PRDM16: variants seen among roughly 807,000 people sequenced by gnomAD.
PRDM16 encodes PR/SET domain 16, also known as histone-lysine N-methyltransferase PRDM16.
Under a neutral mutation model 110.6 loss-of-function variants are expected in PRDM16, and 23 were observed. That is an observed-to-expected ratio of 0.21 (90% CI 0.15 to 0.29). PRDM16 has a LOEUF of 0.29. PRDM16 is among the 10% of genes least tolerant of loss of function. The probability of loss-of-function intolerance (pLI) is 1.00; values close to 1 mark genes in which losing one functional copy is unlikely to be tolerated. For missense variants in PRDM16, 1,615 were observed against 1,794.3 expected, an observed-to-expected ratio of 0.90 and a Z score of 1.81; for synonymous variants, 799 against 781.8, an observed-to-expected ratio of 1.02 and a Z score of -0.37.
At chr1:3,376,308 G>A (rs536783538) in intron 3 of PRDM16, among the ~76,000 whole-genome samples, 13 of 152,294 alleles carry the variant, frequency 8.5e-5, no homozygotes, top group Admixed American at 5.9e-4. Flanking sequence ...TTTCTAGCGC[G>A]TTGCATTCCT....
intron 2 of PRDM16, among the ~76,000 whole-genome samples, chr1:3,215,894 C>T (rs778220391): frequency 2.0e-5 from 3 of 151,972 alleles, no homozygotes; most frequent in Admixed American, 1.3e-4. Context: ...TTCCCGGGGC[C>T]GATTCAGATG....
chr1:3,229,562 G>A (rs1401501311), intron 2 of PRDM16, among the ~76,000 whole-genome samples: 1 of 152,224 alleles, frequency 6.6e-6, no homozygotes, highest in African/African-American at 2.4e-5. Context: ...CAAGCCACAG[G>A]ATGTACATTC....
At position 3,181,552 on chromosome 1, in the gene PRDM16, G is replaced by GGTCTTACACATGGTCTTACA. The variant is rs755533699; in HGVS notation, c.38-4573_38-4572insGTCTTACACATGGTCTTACA. 7.3e-5 allele frequency among the ~76,000 whole-genome samples: 2 copies of GGTCTTACACATGGTCTTACA among 27,432 alleles called. 1 individual carries two copies. The highest frequency in any genetic ancestry group is 1.6e-4 in the Non-Finnish European group (2 of 12,902). The allele number at this position is 27,432 out of a possible 152,430, so 18.0% of individuals were successfully genotyped here. Reference sequence around the variant, plus strand: ...CGGTCTTACACACGGTCTTACACACGCAGTCTTACACACGCAGTCTTACAC... The same window carrying GGTCTTACACATGGTCTTACA: ...CGGTCTTACACACGGTCTTACACACGGTCTTACACATGGTCTTACACAGTCTTACACACGCAGTCTTACAC... On this transcript the variant is annotated intron_variant, in intron 1 of 16. Coordinates refer to ENST00000270722, the MANE Select transcript of PRDM16 (RefSeq NM_022114.4).
intron 1 of PRDM16, among the ~76,000 whole-genome samples, chr1:3,082,703 C>A (rs1050707476): frequency 6.6e-6 from 1 of 152,360 alleles, no homozygotes; most frequent in Non-Finnish European, 1.5e-5. Flanking sequence ...GCTGGAGGCA[C>A]CCTGTTGCCG....
At chr1:3,156,750 A>G (rs981839367) in intron 1 of PRDM16, among the ~76,000 whole-genome samples, 38 of 152,304 alleles carry the variant, frequency 2.5e-4, no homozygotes, top group African/African-American at 8.4e-4. Flanking sequence ...TGCCCGGCTC[A>G]AGCAGTGGCC....
chr1:3,181,293 C>G (rs1228154790), intron 1 of PRDM16, among the ~76,000 whole-genome samples: 1 of 100,626 alleles, frequency 9.9e-6, no homozygotes, highest in African/African-American at 3.2e-5. Flanking sequence ...GTCTTACACA[C>G]GCAGTCTTAC....
At chr1:3,288,960 C>G (rs74050834) in intron 3 of PRDM16, among the ~76,000 whole-genome samples, 14 of 152,252 alleles carry the variant, frequency 9.2e-5, no homozygotes, top group African/African-American at 3.4e-4. Context: ...AAGAGCAGAC[C>G]AGGGGCCTGC....
intron 1 of PRDM16, among the ~76,000 whole-genome samples, chr1:3,110,395 G>A (rs1398433688): frequency 1.3e-5 from 2 of 150,592 alleles, no homozygotes; most frequent in African/African-American, 4.9e-5. Context: ...CATGTCCTGG[G>A]TGTGGGGACA....
chr1:3,280,050 G>GA (rs141979943), intron 3 of PRDM16, among the ~76,000 whole-genome samples: 665 of 144,226 alleles, frequency 4.6e-3, no homozygotes, highest in African/African-American at 7.1e-3. Flanking sequence ...CAAGCAGGGT[G>GA]AAAAAAAAAA....
chr1:3,232,179 C>T (rs1360705830), intron 2 of PRDM16, among the ~76,000 whole-genome samples: 2 of 152,232 alleles, frequency 1.3e-5, no homozygotes, highest in Non-Finnish European at 1.5e-5. Context: ...TCATCTCCCT[C>T]TCCCTTCCCG....
Position 3,350,029 on chromosome 1 carries a change from G to A in PRDM16, c.439-35123G>A, listed in dbSNP as rs117737913. 8.6e-3 allele frequency among the ~76,000 whole-genome samples: 1,311 copies of A among 152,342 alleles called. 19 individuals carry two copies. Among genetic ancestry groups the A allele is most frequent in the East Asian group, 0.068 (351 of 5,166 alleles). On this transcript the variant is annotated intron_variant, in intron 3 of 16. Coordinates refer to ENST00000270722, the MANE Select transcript of PRDM16 (RefSeq NM_022114.4). This position sits in a 1 kb window ranked among gnomAD's most constrained non-coding sequence, Gnocchi z 7.1. ...GGACCTGACTCCTGTCTTTGAGGGG[G>A]GAAGAGGACAGGGCAGAAAAGACCT...
intron 1 of PRDM16, among the ~76,000 whole-genome samples, chr1:3,128,941 C>T (rs1049825520): frequency 3.7e-4 from 56 of 152,312 alleles, no homozygotes; most frequent in African/African-American, 1.3e-3. Flanking sequence ...TTGGTTTCTT[C>T]ATCTGGGAAG....
chr1:3,215,730 G>A (rs1639011854), intron 2 of PRDM16, among the ~76,000 whole-genome samples: 1 of 152,038 alleles, frequency 6.6e-6, no homozygotes, highest in Admixed American at 6.5e-5. Context: ...GCCAGCCCCT[G>A]CCCTCCTCCT....
intron 3 of PRDM16, among the ~76,000 whole-genome samples, chr1:3,384,268 C>A (rs1277435255): frequency 6.6e-6 from 1 of 152,208 alleles, no homozygotes; most frequent in Non-Finnish European, 1.5e-5. Flanking sequence ...TGCCCCCTGC[C>A]CTCCCTCCTG....
At chr1:3,193,055 C>G (rs1259031543) in intron 2 of PRDM16, among the ~76,000 whole-genome samples, 1 of 151,662 alleles carries the variant, frequency 6.6e-6, no homozygotes, top group Non-Finnish European at 1.5e-5. Flanking sequence ...ACCCAGCAGA[C>G]ACAGCGGCCA....
rs2493266 is a variant in PRDM16, at chr1:3,436,298, A to G, written c.*2487A>G. 19,950 of 230,554 alleles carry G rather than the reference A, an allele frequency of 0.087. 1,126 individuals carry two copies. The highest frequency in any genetic ancestry group is 0.18 in the African/African-American group (7,956 of 45,044). 14.3% of individuals were successfully genotyped at this position (230,554 alleles called of 1,614,324 possible). ...TTTCAGCAGGAGCAGAACCGATGAG[A>G]GCCGCCCTTACCGTTGGTCTCCGGA... On this transcript the variant is annotated 3_prime_UTR_variant, in exon 17 of 17. Coordinates refer to ENST00000270722, the MANE Select transcript of PRDM16 (RefSeq NM_022114.4).
At chr1:3,387,727 C>T (rs1643225298) in intron 4 of PRDM16, among the ~76,000 whole-genome samples, 1 of 152,236 alleles carries the variant, frequency 6.6e-6, no homozygotes, top group Non-Finnish European at 1.5e-5. Context: ...GCTGAGTTGG[C>T]AGCTTCTTCT....
Position 3,430,995 on chromosome 1 carries a change from G to A in PRDM16, c.3408G>A (p.Gly1136=). 6.3e-7 allele frequency: 1 copy of A among 1,598,766 alleles called. No homozygotes were observed. Among genetic ancestry groups the A allele is most frequent in the Non-Finnish European group, 8.5e-7 (1 of 1,172,510 alleles). The change falls in exon 15 of 17, where the codon GGG becomes GGA. Residue 1136 remains glycine (G), a synonymous_variant. Transcript: ENST00000270722. ...LEEDDEDSLA[G]KSQDDTVSPA... is the part of the protein sequence containing the mutation. ...AGGACGATGAGGACAGCCTGGCCGG[G>A]AAGTCGCAGGATGACACCGTGTCCC...
intron 1 of PRDM16, among the ~76,000 whole-genome samples, chr1:3,150,523 G>A (rs945377725): frequency 6.6e-6 from 1 of 152,054 alleles, no homozygotes. Context: ...GCGCCACAGC[G>A]CTCCAGCCTG....
Sources: allele counts gnomAD v4.1 joint callset (sites outside exome capture counted in the v4.1 genomes callset), GRCh38; gene constraint gnomAD v4.1.1; non-coding constraint Gnocchi (gnomAD v3.1); transcripts MANE v1.5; gene names NCBI Gene and HGNC (gene_info 2026-07-23, HGNC 2026-07-21).